Variants in FAN1 observed in about 807,000 individuals in gnomAD.
FAN1 encodes the protein FANCD2 and FANCI associated nuclease 1.
In FAN1, 91 loss-of-function variants were observed where a neutral mutation model predicts 104.9. That is an observed-to-expected ratio of 0.87 (90% CI 0.73 to 1.03). The LOEUF (loss-of-function observed/expected upper bound fraction) is 1.03, where lower values mean the gene tolerates loss of function less well. Ranked by LOEUF, FAN1 falls within the 50% of genes least tolerant of loss-of-function variation. The pLI is 0.00. For missense variants in FAN1, 1,263 were observed against 1,239.9 expected, an observed-to-expected ratio of 1.02 and a Z score of -0.28; for synonymous variants, 478 against 457.6, an observed-to-expected ratio of 1.04 and a Z score of -0.57.
At chr15:30,929,944 A>T (rs1196667667) in intron 12 of FAN1, among the ~76,000 whole-genome samples, 11 of 107,788 alleles carry the variant, frequency 1.0e-4, no homozygotes, top group African/African-American at 5.4e-4. Context: ...TAAAATATAT[A>T]ATATAATATA....
rs751811292 is a variant in FAN1 at position 30,908,228 on chromosome 15, G to T, written c.1345G>T (p.Glu449Ter). The T allele has an allele frequency of 6.2e-7, 1 of 1,607,810 alleles. No homozygotes were observed. Among genetic ancestry groups the T allele is most frequent in the East Asian group, 2.2e-5 (1 of 44,698 alleles). Residue 449 changes from glutamate (E) to a stop codon, truncating the protein, a stop_gained, in exon 3 of 15, where the codon GAA (glutamate) becomes TAA (stop). Coordinates refer to ENST00000362065, the MANE Select transcript of FAN1 (RefSeq NM_014967.5). LOFTEE classifies it high-confidence loss of function. The part of the protein sequence containing the change: ...IALDLTPVIE[E>*]LTNAGFLQTE... ...CTTAGACTTAACACCTGTGATTGAA[G>T]AATTGACGAATGCAGGCTTTCTACA...
At position 30,928,592 on chromosome 15, in the gene FAN1, GCCT is replaced by G; in HGVS notation, c.2535_2537del (p.Leu846del). ...GGGTCCACCTTCAGCACCCTGTATG[GCCT>G]CCTCCTGTGGGACATCATCTTCATG... On this transcript the variant is annotated inframe_deletion, in exon 11 of 15. Transcript: ENST00000362065. The G allele has an allele frequency of 1.2e-6, 2 of 1,611,272 alleles. No individual in the cohort carries two copies. Among genetic ancestry groups the G allele is most frequent in the Non-Finnish European group, 1.7e-6 (2 of 1,179,406 alleles).
At chr15:30,930,430 A>G (rs1228115586) in intron 12 of FAN1, 113 bp from the exon 13 acceptor site, 15 of 1,236,016 alleles carry the variant, frequency 1.2e-5, no homozygotes, top group East Asian at 5.3e-5. Context: ...CCTGGGGTCC[A>G]TGTGCACTGA....
In FAN1 at chr15:30,925,254, A is replaced by T. The variant is rs1566924854; in HGVS notation, c.2300A>T (p.Gln767Leu). Residue 767 changes from glutamine to leucine, a missense_variant, in exon 9 of 15, where the codon CAG becomes CTG. By Grantham distance (113) the Gln-to-Leu change is moderately radical (BLOSUM62 -2). This residue lies in a region of FAN1 where 581 missense variants were observed against 668.8 expected (regional missense o/e 0.87). Transcript: ENST00000362065. Reference sequence around the variant, plus strand: ...TGTAAAAAGTTCAAGCACCTCTTCCAGCAGCTCCCAGAAATGGCTGTGCAA... The same window carrying T: ...TGTAAAAAGTTCAAGCACCTCTTCCTGCAGCTCCCAGAAATGGCTGTGCAA... ...PSCKKFKHLF[Q>L]QLPEMAVQDV... The T allele has an allele frequency of 6.2e-7, 1 of 1,614,158 alleles. No homozygotes were observed. The highest frequency in any genetic ancestry group is 8.5e-7 in the Non-Finnish European group (1 of 1,180,024).
rs1282151048 is a variant in FAN1, at chr15:30,941,811, C to T, written c.*249C>T. The T allele has an allele frequency of 6.2e-7, 1 of 1,614,056 alleles. No homozygotes were observed. Among genetic ancestry groups the T allele is most frequent in the Non-Finnish European group, 8.5e-7 (1 of 1,179,906 alleles). On this transcript the variant is annotated 3_prime_UTR_variant, in exon 15 of 15. Coordinates refer to ENST00000362065, the MANE Select transcript of FAN1 (RefSeq NM_014967.5). Reference sequence around the variant, plus strand: ...CCCAGGCTGATCTGGGCCTCGGGAACCCAGCGGAAGTAGCACAGTTTCCAC... The same window carrying T: ...CCCAGGCTGATCTGGGCCTCGGGAATCCAGCGGAAGTAGCACAGTTTCCAC...
chr15:30,939,531 AAAAAT>A, intron 14 of FAN1: 1 of 977,988 alleles, frequency 1.0e-6, no homozygotes, highest in Non-Finnish European at 1.2e-6. Context: ...ACTGTCCAGC[AAAAAT>A]AAAAGTATTT....
At position 30,904,733 on chromosome 15, in the gene FAN1, A is replaced by G. The variant is rs750016168; in HGVS notation, c.70A>G (p.Lys24Glu). The G allele has an allele frequency of 6.2e-7, 1 of 1,611,410 alleles. No homozygotes were observed. Among genetic ancestry groups the G allele is most frequent in the East Asian group, 2.2e-5 (1 of 44,828 alleles). Residue 24 changes from lysine to glutamate, a missense_variant, in exon 2 of 15, where the codon AAA (lysine) becomes GAA (glutamate). Transcript: ENST00000362065. ...AAGCTTATCAATCAGCAAGAATAAG[A>G]AAAAAGCATCTAATTCTATTATTTC... ...RRSLSISKNKKKASNSIISCF... is the reference protein window; with the variant it reads ...RRSLSISKNKEKASNSIISCF...
chr15:30,911,398 G>C, intron 4 of FAN1: 1 of 984,840 alleles, frequency 1.0e-6, no homozygotes, highest in Non-Finnish European at 1.2e-6. Flanking sequence ...GAAATGAGAG[G>C]ATGCTTTTGA....
In FAN1 at chr15:30,905,426, C is replaced by A; in HGVS notation, c.763C>A (p.Pro255Thr). 1 of 1,614,130 alleles carries A rather than the reference C, an allele frequency of 6.2e-7. No individual in the cohort carries two copies. ...GGAATGTGAGAAATCAGCCCTCACC[C>A]CTGGATTCTCAGATAATGCGATCAT... is the stretch of plus-strand genomic sequence containing the variant. ...TRECEKSALT[P>T]GFSDNAIMLF... is the part of the protein sequence containing the mutation. Residue 255 changes from proline to threonine, a missense_variant, in exon 2 of 15, where the codon CCT (proline) becomes ACT (threonine). Coordinates refer to ENST00000362065, the MANE Select transcript of FAN1 (RefSeq NM_014967.5).
At chr15:30,931,872 C>T (rs1181434863) in intron 13 of FAN1, among the ~76,000 whole-genome samples, 2 of 151,804 alleles carry the variant, frequency 1.3e-5, no homozygotes, top group African/African-American at 4.8e-5. Flanking sequence ...GTTGTTCTGG[C>T]TCTTTTGCAT....
intron 2 of FAN1, chr15:30,906,480 G>A (rs777314820): frequency 2.8e-5 from 13 of 456,682 alleles, no homozygotes; most frequent in Middle Eastern, 3.3e-4. Context: ...TGGCAGCCAG[G>A]GGTGGCTCCA....
chr15:30,911,367 C>A, intron 4 of FAN1: 1 of 985,058 alleles, frequency 1.0e-6, no homozygotes, highest in Non-Finnish European at 1.2e-6. Context: ...CCTGGGAATT[C>A]ACTACTGTGG....
intron 10 of FAN1, chr15:30,927,270 A>C: frequency 1.0e-6 from 1 of 985,532 alleles, no homozygotes; most frequent in Non-Finnish European, 1.2e-6. Context: ...CCTGATCGTC[A>C]GTGTATTCAC....
rs145985032 is a variant in FAN1, at chr15:30,941,272, G to A, written c.*4-294G>A. 2.6e-4 allele frequency: 384 copies of A among 1,487,132 alleles called. 2 individuals are homozygous for A. In the African/African-American group the frequency reaches 4.7e-3, roughly 18 times the overall value. 92.1% of individuals were successfully genotyped at this position (1,487,132 alleles called of 1,614,324 possible). ...GCCAGACCTGTAATGACAGAAAGAG[G>A]ACAGGAACAAAATTTACATCTCTCT... is the stretch of plus-strand genomic sequence containing the variant. On this transcript the variant is annotated intron_variant, in intron 14 of 14. Coordinates refer to ENST00000362065, the MANE Select transcript of FAN1 (RefSeq NM_014967.5).
At position 30,941,243 on chromosome 15, in the gene FAN1, A is replaced by G. The variant is rs1050794279; in HGVS notation, c.*4-323A>G. The G allele has an allele frequency of 2.8e-6, 4 of 1,443,106 alleles. No homozygotes were observed. The African/African-American group carries it at 5.6e-5, about 20-fold the overall frequency. The allele number at this position is 1,443,106 out of a possible 1,614,324, so 89.4% of individuals were successfully genotyped here. A position where few individuals can be genotyped will look rare whatever the true frequency, so the allele number is the denominator to read the frequency against. On this transcript the variant is annotated intron_variant, in intron 14 of 14. Transcript: ENST00000362065. ...ACATGAACAGTTTGATCACGGTTAC[A>G]AGAGCCAGACCTGTAATGACAGAAA... is the stretch of plus-strand genomic sequence containing the variant.
chr15:30,908,083 A>G, intron 2 of FAN1, 35 bp from the exon 3 acceptor site: 3 of 1,569,408 alleles, frequency 1.9e-6, no homozygotes, highest in Non-Finnish European at 2.6e-6. Context: ...AGGTAAATGC[A>G]GTGATTTTCA....
At chr15:30,928,203 C>A (rs953398203) in intron 10 of FAN1, 6 of 1,031,862 alleles carry the variant, frequency 5.8e-6, no homozygotes, top group African/African-American at 1.7e-5. Context: ...CCTGCTAAGT[C>A]CCAGCCTTGG....
rs556331870 is a variant in FAN1, at chr15:30,921,271, G to T, written c.2052+618G>T. On this transcript the variant is annotated intron_variant, in intron 7 of 14. Transcript: ENST00000362065. ...CTGGAGGGTGCCCCACAGGTCTGCA[G>T]CCTGAGCCTGAGTCTCTTTCAGAAC... 5.3e-5 allele frequency among the ~76,000 whole-genome samples: 8 copies of T among 152,328 alleles called. 2 individuals carry two copies. The highest frequency in any genetic ancestry group is 1.9e-4 in the African/African-American group (8 of 41,572).
intron 4 of FAN1, chr15:30,911,484 G>C (rs1203968603): frequency 2.0e-6 from 2 of 983,916 alleles, no homozygotes; most frequent in African/African-American, 3.5e-5. Flanking sequence ...GCCCATCCTT[G>C]TTGGGGAGGT....
Sources: gnomAD v4.1 joint callset for allele counts (sites outside exome capture counted in the v4.1 genomes callset) on GRCh38, gnomAD v4.1.1 for gene constraint, gnomAD v4.1.1 regional missense constraint, MANE v1.5 for transcripts, NCBI Gene and HGNC (gene_info 2026-07-23, HGNC 2026-07-21) for gene names.